Variants in CEP350 observed in about 807,000 individuals in gnomAD.
The protein encoded by CEP350 is centrosomal protein 350.
A neutral mutation model predicts 331.8 loss-of-function variants in CEP350; 126 were observed. The ratio of observed to expected loss-of-function variants is 0.38; its 90% confidence interval spans 0.33 to 0.44. The LOEUF is 0.44. Ranked by LOEUF, CEP350 falls within the 20% of genes least tolerant of loss-of-function variation. The pLI is 1.00. For missense variants in CEP350, 3,406 were observed against 3,634.6 expected (o/e 0.94, Z 1.62); for synonymous variants, 1,200 against 1,259.5 (o/e 0.95, Z 1.00).
intron 6 of CEP350, among the ~76,000 whole-genome samples, chr1:180,002,699 C>CT (rs746499480): frequency 6.6e-6 from 1 of 152,146 alleles, no homozygotes; most frequent in Non-Finnish European, 1.5e-5. Flanking sequence ...ACCCAAATGT[C>CT]TATCAGCTGA....
intron 25 of CEP350, among the ~76,000 whole-genome samples, chr1:180,059,743 T>C (rs1658080952): frequency 6.6e-6 from 1 of 152,146 alleles, no homozygotes; most frequent in African/African-American, 2.4e-5. Context: ...AAAGTATCCC[T>C]GTCACTTCAA....
At chr1:180,101,755 A>T (rs1236222857) in intron 37 of CEP350, among the ~76,000 whole-genome samples, 2 of 152,190 alleles carry the variant, frequency 1.3e-5, no homozygotes, top group African/African-American at 4.8e-5. Flanking sequence ...GGCTCCCAAG[A>T]TCCACCTTTG....
chr1:180,044,525 T>C (rs1219849696), intron 21 of CEP350, among the ~76,000 whole-genome samples: 1 of 151,692 alleles, frequency 6.6e-6, no homozygotes, highest in Non-Finnish European at 1.5e-5. Flanking sequence ...CTGTCCTTTG[T>C]AGGGACATGG....
intron 1 of CEP350, among the ~76,000 whole-genome samples, chr1:179,962,314 G>A (rs1292777): frequency 0.57 from 86,104 of 152,078 alleles, 26,284 homozygotes; most frequent in East Asian, 0.71. Context: ...TTGCTCCAAA[G>A]GACATGATTT....
At chr1:179,999,838 A>G (rs1653742969) in intron 6 of CEP350, among the ~76,000 whole-genome samples, 1 of 152,088 alleles carries the variant, frequency 6.6e-6, no homozygotes, top group African/African-American at 2.4e-5. Flanking sequence ...TTGATTTTTT[A>G]TTTTTAAAAA....
Position 180,003,192 on chromosome 1 carries a change from C to G in CEP350, c.1037C>G (p.Thr346Ser). 6.2e-7 allele frequency: 1 copy of G among 1,612,568 alleles called. No homozygotes were observed. Among genetic ancestry groups the G allele is most frequent in the Non-Finnish European group, 8.5e-7 (1 of 1,179,122 alleles). The part of the protein sequence containing the change: ...PAYKGFNPSE[T>S]KIRTPDGKVW... ...GTATTAGGTTTCAACCCTTCAGAGA[C>G]CAAGATTCGAACACCTGATGGGAAA... The change falls in exon 7 of 38, where the codon ACC becomes AGC. Residue 346 changes from threonine to serine, a missense_variant. Transcript: ENST00000367607.
At position 180,053,888 on chromosome 1, in the gene CEP350, AAGG is replaced by A; in HGVS notation, c.5131_5133del (p.Glu1711del). On this transcript the variant is annotated inframe_deletion, in exon 24 of 38. Coordinates refer to ENST00000367607, the MANE Select transcript of CEP350 (RefSeq NM_014810.5). ...CCTGCGTCTCCGTGAAAAGGCCTTG[AAGG>A]AGAAGACTAAGGCTGAATTGGCCTG... 1 of 1,611,124 alleles carries A rather than the reference AAGG, an allele frequency of 6.2e-7. No individual in the cohort carries two copies. The highest frequency in any genetic ancestry group is 8.5e-7 in the Non-Finnish European group (1 of 1,178,174).
At position 180,020,215 on chromosome 1, in the gene CEP350, G is replaced by A. The variant is rs761109552; in HGVS notation, c.2441G>A (p.Ser814Asn). The change falls in exon 12 of 38, where the codon AGT becomes AAT. Residue 814 changes from serine (S) to asparagine (N), a missense_variant. Coordinates refer to ENST00000367607, the MANE Select transcript of CEP350 (RefSeq NM_014810.5). ...TATACAGATGCCTTGTTAAAACCTA[G>A]TGCCAGCCAATATAAGAGTAAACTG... ...AAYTDALLKP[S>N]ASQYKSKLDR... is the part of the protein sequence containing the mutation. The A allele has an allele frequency of 1.9e-6, 3 of 1,614,018 alleles. No individual in the cohort carries two copies. Among genetic ancestry groups the A allele is most frequent in the Non-Finnish European group, 1.7e-6 (2 of 1,179,898 alleles).
At position 180,036,941 on chromosome 1, in the gene CEP350, C is replaced by T. The variant is rs368281250; in HGVS notation, c.3962C>T (p.Ser1321Phe). The T allele has an allele frequency of 3.2e-6, 5 of 1,575,952 alleles. No homozygotes were observed. The African/African-American group carries it at 5.4e-5, about 17-fold the overall frequency. Residue 1321 changes from serine to phenylalanine, a missense_variant, in exon 17 of 38, where the codon TCT becomes TTT. By Grantham distance (155) the Ser-to-Phe change is radical (BLOSUM62 -2). Transcript: ENST00000367607. Reference protein sequence around the residue: ...MAPIPGSKRFSPAGLHHRMAA... With the variant: ...MAPIPGSKRFFPAGLHHRMAA... ...TGCCTTCCAGGTTCTAAGCGCTTTT[C>T]TCCTGCTGGCCTCCATCATCGTATG...
At chr1:179,977,895 T>A (rs1010931185) in intron 1 of CEP350, among the ~76,000 whole-genome samples, 1 of 151,474 alleles carries the variant, frequency 6.6e-6, no homozygotes, top group Non-Finnish European at 1.5e-5. Flanking sequence ...TAAGCTTTTG[T>A]TCAATTTAAA....
intron 1 of CEP350, among the ~76,000 whole-genome samples, chr1:179,963,857 G>A (rs776087862): frequency 6.6e-6 from 1 of 152,028 alleles, no homozygotes; most frequent in Non-Finnish European, 1.5e-5. Context: ...TTTCTAATTT[G>A]TGAAAAATGA....
chr1:179,961,584 G>T (rs898572003), intron 1 of CEP350, among the ~76,000 whole-genome samples: 10 of 151,930 alleles, frequency 6.6e-5, no homozygotes, highest in Non-Finnish European at 1.3e-4. Context: ...TCTACTAACG[G>T]GTCATGACTA....
Position 180,031,385 on chromosome 1 carries a change from T to C in CEP350, c.3616T>C (p.Ser1206Pro). 1 of 1,608,106 alleles carries C rather than the reference T, an allele frequency of 6.2e-7. No homozygotes were observed. The highest frequency in any genetic ancestry group is 8.5e-7 in the Non-Finnish European group (1 of 1,175,868). ...TGATGAGGAAAAAGCAGAACGTGGC[T>C]CCCATCAAGGAAAGAAATCTGGGAC... ...LLDEEKAERG[S>P]HQGKKSGTSS... Residue 1206 changes from serine (S) to proline (P), a missense_variant, in exon 15 of 38, where the codon TCC (serine) becomes CCC (proline). Coordinates refer to ENST00000367607, the MANE Select transcript of CEP350 (RefSeq NM_014810.5).
At chr1:180,087,407 A>G in intron 31 of CEP350, 171 bp from the exon 32 acceptor site, 1 of 479,856 alleles carries the variant, frequency 2.1e-6, no homozygotes, top group Non-Finnish European at 3.6e-6. Flanking sequence ...AGAAGGATGT[A>G]CAAATAACTA....
intron 1 of CEP350, among the ~76,000 whole-genome samples, chr1:179,962,187 T>C (rs1215364099): frequency 6.6e-6 from 1 of 152,110 alleles, no homozygotes; most frequent in Non-Finnish European, 1.5e-5. Flanking sequence ...ATTTTCATCT[T>C]TATGTCTATA....
chr1:179,992,247 A>T, intron 5 of CEP350, 26 bp downstream of exon 5: 3 of 1,443,822 alleles, frequency 2.1e-6, no homozygotes, highest in South Asian at 3.1e-5. Context: ...AAAAAAAGGT[A>T]TCAAATAGGT....
intron 25 of CEP350, among the ~76,000 whole-genome samples, chr1:180,058,942 C>T (rs572239546): frequency 2.0e-5 from 3 of 152,198 alleles, no homozygotes; most frequent in East Asian, 1.9e-4. Flanking sequence ...ATGTCTTATT[C>T]GTTTTACCCT....
In CEP350 at chr1:180,065,231, T is replaced by C; in HGVS notation, c.5526T>C (p.Ile1842=). ...TCTCCAGCAGTGAAACTAGCAGCAT[T>C]ATGCAGAAACTGAAGAAAATGAGAA... is the stretch of plus-strand genomic sequence containing the variant. ...ISISSSETSS[I]MQKLKKMRSR... is the part of the protein sequence containing the mutation. Residue 1842 remains isoleucine (I), a synonymous_variant, in exon 27 of 38, where the codon ATT becomes ATC. Coordinates refer to ENST00000367607, the MANE Select transcript of CEP350 (RefSeq NM_014810.5). The C allele has an allele frequency of 6.2e-7, 1 of 1,613,124 alleles. No homozygotes were observed. The highest frequency in any genetic ancestry group is 8.5e-7 in the Non-Finnish European group (1 of 1,179,670).
chr1:179,965,536 A>G (rs1558065925), intron 1 of CEP350, among the ~76,000 whole-genome samples: 1 of 152,056 alleles, frequency 6.6e-6, no homozygotes. Flanking sequence ...TTTCTTTTAC[A>G]GAAGGATTTC....
Sources: gnomAD v4.1 joint callset for allele counts (sites outside exome capture counted in the v4.1 genomes callset) on GRCh38, gnomAD v4.1.1 for gene constraint, MANE v1.5 for transcripts, NCBI Gene and HGNC (gene_info 2026-07-23, HGNC 2026-07-21) for gene names.